SULF2: variants seen among roughly 807,000 people sequenced by gnomAD.
SULF2 encodes the protein extracellular sulfatase Sulf-2.
Under a neutral mutation model 107.7 loss-of-function variants are expected in SULF2, and 52 were observed. The observed-to-expected ratio is 0.48, with a 90% confidence interval of 0.39 to 0.61. The LOEUF is 0.61. Among genes scored for constraint, SULF2 ranks in the 20% least tolerant of loss-of-function variants. SULF2 has a pLI of 0.00. For missense variants in SULF2, 993 were observed against 1,177.3 expected, an observed-to-expected ratio of 0.84 and a Z score of 2.29; for synonymous variants, 460 against 464.3, an observed-to-expected ratio of 0.99 and a Z score of 0.12.
intron 1 of SULF2, among the ~76,000 whole-genome samples, chr20:47,768,792 C>T (rs1180733996): frequency 6.6e-6 from 1 of 152,244 alleles, no homozygotes; most frequent in Non-Finnish European, 1.5e-5. Flanking sequence ...CACCCCCACC[C>T]CCAGTCCCAG....
chr20:47,696,510 T>G (rs1235651760), intron 4 of SULF2, among the ~76,000 whole-genome samples: 1 of 152,200 alleles, frequency 6.6e-6, no homozygotes, highest in Admixed American at 6.5e-5. Context: ...TTTATATTAT[T>G]AATCACATCA....
rs1380987134 is a variant in SULF2, at chr20:47,710,284, C to CAGG, written c.416-7615_416-7614insCCT. Among the ~76,000 whole-genome samples the CAGG allele has an allele frequency of 1.5e-3, 224 of 152,072 alleles. 3 individuals are homozygous for CAGG. Among genetic ancestry groups the CAGG allele is most frequent in the Non-Finnish European group, 2.3e-3 (156 of 68,026 alleles). On this transcript the variant is annotated intron_variant, in intron 3 of 20. Transcript: ENST00000688720. The stretch of plus-strand genomic sequence containing the variant: ...AACTCCTGGGCTCAAGTGATCCTCC[C>CAGG]GCCTTGGCCTCCCAAGGTGCTGGGA...
chr20:47,764,431 G>A (rs1004541646), intron 1 of SULF2, among the ~76,000 whole-genome samples: 2 of 152,158 alleles, frequency 1.3e-5, no homozygotes, highest in Admixed American at 6.5e-5. Flanking sequence ...GAGGCCACAA[G>A]TGCTCTTATT....
intron 1 of SULF2, among the ~76,000 whole-genome samples, chr20:47,779,611 TTTAA>T (rs1276973772): frequency 6.6e-6 from 1 of 152,164 alleles, no homozygotes; most frequent in Admixed American, 6.5e-5. Context: ...CATTTTATTT[TTTAA>T]TTTATTTTTG....
chr20:47,764,761 C>T (rs2090493377), intron 1 of SULF2, among the ~76,000 whole-genome samples: 2 of 152,018 alleles, frequency 1.3e-5, no homozygotes, highest in South Asian at 2.1e-4. Flanking sequence ...TAAGAGAGTC[C>T]GAATTAGGGC....
chr20:47,722,997 G>A (rs942734689), intron 3 of SULF2, among the ~76,000 whole-genome samples: 10 of 152,142 alleles, frequency 6.6e-5, no homozygotes, highest in Admixed American at 3.3e-4. Flanking sequence ...AACCTGGGAG[G>A]TGGAGGCTGC....
intron 10 of SULF2, among the ~76,000 whole-genome samples, chr20:47,672,954 G>A (rs1000452899): frequency 6.6e-6 from 1 of 152,158 alleles, no homozygotes; most frequent in African/African-American, 2.4e-5. Flanking sequence ...CTTCCTTCCC[G>A]TCTGCTCCAG....
chr20:47,708,506 C>T (rs892444434), intron 3 of SULF2, among the ~76,000 whole-genome samples: 2 of 152,152 alleles, frequency 1.3e-5, no homozygotes, highest in African/African-American at 2.4e-5. Flanking sequence ...GTGCATTTTC[C>T]TGGAAACAAG....
chr20:47,658,931 C>T (rs2086979884), intron 20 of SULF2, among the ~76,000 whole-genome samples: 1 of 152,200 alleles, frequency 6.6e-6, no homozygotes, highest in Non-Finnish European at 1.5e-5. Flanking sequence ...AACTGGCCTG[C>T]TCCCTTTAGA....
rs1186333004 is a variant in SULF2 at position 47,666,299 on chromosome 20, G to C, written c.1766C>G (p.Pro589Arg). The change falls in exon 12 of 21, where the codon CCC becomes CGC. Residue 589 changes from proline (P) to arginine (R), a missense_variant. Physicochemically the swap from Pro to Arg is moderately radical, Grantham distance 103. Transcript: ENST00000688720. The surrounding 1 kb of genome is among the most constrained non-coding windows in gnomAD (Gnocchi z 5.4). ...AATGGGGTTGGCGGCTGAGTAGTCG[G>C]GAAGGCCTCCAGTGCCACTGAAGTC... Reference protein sequence around the residue: ...GGDFSGTGGLPDYSAANPIKV... With the variant: ...GGDFSGTGGLRDYSAANPIKV... The C allele has an allele frequency of 6.2e-7, 1 of 1,614,104 alleles. No individual in the cohort carries two copies. The highest frequency in any genetic ancestry group is 8.5e-7 in the Non-Finnish European group (1 of 1,180,068).
intron 1 of SULF2, among the ~76,000 whole-genome samples, chr20:47,769,206 A>AT (rs1246843355): frequency 6.6e-6 from 1 of 151,750 alleles, no homozygotes; most frequent in Non-Finnish European, 1.5e-5. Flanking sequence ...ACGCCCGCTA[A>AT]TTTTTTTGTA....
intron 3 of SULF2, among the ~76,000 whole-genome samples, chr20:47,725,707 TG>T (rs1251036027): frequency 6.6e-6 from 1 of 152,204 alleles, no homozygotes; most frequent in African/African-American, 2.4e-5. Flanking sequence ...AGTTGAAATC[TG>T]GGCACCCCCT....
chr20:47,729,685 G>A (rs1413547774), intron 3 of SULF2, among the ~76,000 whole-genome samples: 3 of 152,216 alleles, frequency 2.0e-5, no homozygotes, highest in African/African-American at 7.2e-5. Context: ...CCGGGGAGGC[G>A]GGGGACCAGG....
At chr20:47,756,301 C>G (rs1434038721) in intron 2 of SULF2, among the ~76,000 whole-genome samples, 1 of 151,692 alleles carries the variant, frequency 6.6e-6, no homozygotes, top group Non-Finnish European at 1.5e-5. Flanking sequence ...TCCTATGTGT[C>G]AAATTGTCAA....
At chr20:47,706,730 G>A (rs1490175664) in intron 3 of SULF2, 1 of 152,172 alleles carries the variant, frequency 6.6e-6, no homozygotes, top group Non-Finnish European at 1.5e-5. Context: ...GGGGAGGAGA[G>A]GTGTGGACCT....
chr20:47,731,210 T>TTTTTTTTTTTTTTTTTTTTTG (rs1491437167), intron 3 of SULF2, among the ~76,000 whole-genome samples: 1 of 135,758 alleles, frequency 7.4e-6, no homozygotes, highest in African/African-American at 3.1e-5. Flanking sequence ...TTTTTTTTTT[T>TTTTTTTTTTTTTTTTTTTTTG]GAGACAGAGT....
rs1412158510 is a variant in SULF2 at position 47,746,978 on chromosome 20, TAAATAAA to T, written c.176-10043_176-10037del. Among the ~76,000 whole-genome samples, 117 of 51,236 alleles carry T rather than the reference TAAATAAA, an allele frequency of 2.3e-3. No homozygotes were observed. The East Asian group carries it at 0.047, about 21-fold the overall frequency. The allele number at this position is 51,236 out of a possible 152,430, so 33.6% of individuals were successfully genotyped here. ...GTGCACATGTACCCTAGAACTTAAA[TAAATAAA>T]AAAAAAAAAATATATATATATATAT... is the stretch of plus-strand genomic sequence containing the variant. On this transcript the variant is annotated intron_variant, in intron 2 of 20. Coordinates refer to ENST00000688720, the MANE Select transcript of SULF2 (RefSeq NM_001387048.1).
At chr20:47,757,767 A>C (rs1007225586) in intron 1 of SULF2, among the ~76,000 whole-genome samples, 4 of 152,120 alleles carry the variant, frequency 2.6e-5, no homozygotes, top group Non-Finnish European at 4.4e-5. Context: ...GCCGTCTCTG[A>C]ATAATCCACC....
Position 47,726,544 on chromosome 20 carries a change from A to G in SULF2, c.415+10159T>C, listed in dbSNP as rs556983789. Among the ~76,000 whole-genome samples, 73 of 152,278 alleles carry G rather than the reference A, an allele frequency of 4.8e-4. 3 individuals are homozygous for G. The highest frequency in any genetic ancestry group is 1.7e-3 in the African/African-American group (69 of 41,562). On this transcript the variant is annotated intron_variant, in intron 3 of 20. Coordinates refer to ENST00000688720, the MANE Select transcript of SULF2 (RefSeq NM_001387048.1). ...CTGTCCAAGAGTCCTTTCTGTGCCA[A>G]TGGAAACATTCTCTATGTGCATTAT...
Sources: allele counts gnomAD v4.1 joint callset (sites outside exome capture counted in the v4.1 genomes callset), GRCh38; gene constraint gnomAD v4.1.1; non-coding constraint Gnocchi (gnomAD v3.1); transcripts MANE v1.5; gene names NCBI Gene and HGNC (gene_info 2026-07-23, HGNC 2026-07-21).